The following ARNT2 variants were observed in gnomAD, a reference collection of about 807,000 sequenced individuals.
ARNT2 encodes aryl hydrocarbon receptor nuclear translocator 2.
ARNT2 carries 36 observed loss-of-function variants against 91.7 expected under a neutral mutation model. The observed-to-expected ratio is 0.39, with a 90% CI of 0.30 to 0.52. The LOEUF (loss-of-function observed/expected upper bound fraction) is 0.52, where lower values mean the gene tolerates loss of function less well. Among genes scored for constraint, ARNT2 ranks in the 20% least tolerant of loss-of-function variants. The pLI is 0.72. For synonymous variants in ARNT2, 365 were observed against 347.1 expected (o/e 1.05, Z -0.57); for missense variants, 775 against 939.3 (o/e 0.83, Z 2.29).
At chr15:80,415,997 C>G (rs1466856546) in intron 1 of ARNT2, among the ~76,000 whole-genome samples, 1 of 152,152 alleles carries the variant, frequency 6.6e-6, no homozygotes, top group African/African-American at 2.4e-5. Flanking sequence ...CCCCTGCCCA[C>G]TCTCCACTGC....
chr15:80,421,412 G>A (rs2866739), intron 1 of ARNT2, among the ~76,000 whole-genome samples: 1 of 87,740 alleles, frequency 1.1e-5, no homozygotes, highest in Admixed American at 1.1e-4. Context: ...GAAAAGAAAG[G>A]AAGGAAAGGA....
chr15:80,576,390 C>G (rs1409586826), intron 14 of ARNT2, among the ~76,000 whole-genome samples: 1 of 152,132 alleles, frequency 6.6e-6, no homozygotes, highest in African/African-American at 2.4e-5. Flanking sequence ...GATTCTCCTG[C>G]CTCAGCCTCC....
intron 1 of ARNT2, among the ~76,000 whole-genome samples, chr15:80,427,174 G>C (rs544410930): frequency 2.2e-4 from 33 of 152,158 alleles, no homozygotes; most frequent in Middle Eastern, 6.8e-3. Flanking sequence ...ATAAATTCGG[G>C]CAAAAAGGGT....
Position 80,409,323 on chromosome 15 carries a change from A to G in ARNT2, c.31+4777A>G, listed in dbSNP as rs150502887. ...TCCAGAAAGTCATGTAATTGGATTC[A>G]TGCATTACGTAGCCTTTTCAAACTG... is the stretch of plus-strand genomic sequence containing the variant. On this transcript the variant is annotated intron_variant, in intron 1 of 18. Coordinates refer to ENST00000303329, the MANE Select transcript of ARNT2 (RefSeq NM_014862.4). 1.9e-3 allele frequency among the ~76,000 whole-genome samples: 296 copies of G among 152,322 alleles called. 2 individuals carry two copies. The highest frequency in any genetic ancestry group is 3.0e-3 in the Non-Finnish European group (203 of 68,030).
intron 1 of ARNT2, among the ~76,000 whole-genome samples, chr15:80,428,303 T>C (rs1416082341): frequency 6.6e-6 from 1 of 152,230 alleles, no homozygotes; most frequent in Non-Finnish European, 1.5e-5. Flanking sequence ...ATTTTAACCT[T>C]ACAAAGATGT....
At position 80,514,207 on chromosome 15, in the gene ARNT2, C is replaced by G. The variant is rs564096419; in HGVS notation, c.792-113C>G. On this transcript the variant is annotated intron_variant, in intron 7 of 18. Transcript: ENST00000303329. ...CACAGGATGGTGAGGAGTCAAGATT[C>G]AAAACCACAAAGGCAGACAAGGGAA... 5.9e-6 allele frequency: 7 copies of G among 1,187,158 alleles called. No homozygotes were observed. The South Asian group carries it at 9.2e-5, about 16-fold the overall frequency. 73.5% of individuals were successfully genotyped at this position (1,187,158 alleles called of 1,614,324 possible). A position where few individuals can be genotyped will look rare whatever the true frequency, so the allele number is the denominator to read the frequency against.
intron 8 of ARNT2, among the ~76,000 whole-genome samples, chr15:80,534,777 A>G (rs1897793838): frequency 6.6e-6 from 1 of 152,208 alleles, no homozygotes; most frequent in African/African-American, 2.4e-5. Flanking sequence ...CATTTGAATC[A>G]TTATCCATGA....
intron 8 of ARNT2, among the ~76,000 whole-genome samples, chr15:80,534,483 T>C (rs1897789260): frequency 6.6e-6 from 1 of 152,192 alleles, no homozygotes. Context: ...CCTACCCTAG[T>C]CCAACCCCTA....
intron 17 of ARNT2, among the ~76,000 whole-genome samples, chr15:80,582,078 T>C (rs1379243363): frequency 6.6e-6 from 1 of 152,208 alleles, no homozygotes; most frequent in East Asian, 1.9e-4. Flanking sequence ...GTGCGGCTCA[T>C]AGAGCTTTTC....
intron 5 of ARNT2, among the ~76,000 whole-genome samples, chr15:80,488,335 T>G: frequency 6.6e-6 from 1 of 152,226 alleles, no homozygotes; most frequent in East Asian, 1.9e-4. Context: ...ATGCAGAGAT[T>G]TAACCATGTA....
chr15:80,483,481 G>C (rs1385541638), intron 5 of ARNT2, among the ~76,000 whole-genome samples: 3 of 152,178 alleles, frequency 2.0e-5, no homozygotes, highest in African/African-American at 7.2e-5. Context: ...GGGGTTTGCT[G>C]TCCCCTCTAT....
In ARNT2 at chr15:80,596,579, G is replaced by A. The variant is rs1003867835; in HGVS notation, c.*2881G>A. The stretch of plus-strand genomic sequence containing the variant: ...CAGCCTTGGAGGCCGGAATGCTCAT[G>A]GCCCCTGTGGTCTGCTTGTCCTTCA... On this transcript the variant is annotated 3_prime_UTR_variant, in exon 19 of 19. Coordinates refer to ENST00000303329, the MANE Select transcript of ARNT2 (RefSeq NM_014862.4). 1.3e-5 allele frequency: 2 copies of A among 152,436 alleles called. No homozygotes were observed. Among genetic ancestry groups the A allele is most frequent in the African/African-American group, 4.8e-5 (2 of 41,412 alleles). 9.4% of individuals were successfully genotyped at this position (152,436 alleles called of 1,614,324 possible).
chr15:80,420,587 T>C (rs1339472730), intron 1 of ARNT2, among the ~76,000 whole-genome samples: 2 of 151,776 alleles, frequency 1.3e-5, no homozygotes, highest in Non-Finnish European at 2.9e-5. Flanking sequence ...ATATATATAT[T>C]ATGAACATAT....
At chr15:80,423,188 A>G (rs1567175753) in intron 1 of ARNT2, among the ~76,000 whole-genome samples, 2 of 152,182 alleles carry the variant, frequency 1.3e-5, no homozygotes, top group South Asian at 4.1e-4. Context: ...ACATGAGGGG[A>G]CACATGAAAT....
intron 12 of ARNT2, among the ~76,000 whole-genome samples, chr15:80,571,317 C>G (rs1464129830): frequency 6.6e-6 from 1 of 152,190 alleles, no homozygotes; most frequent in Non-Finnish European, 1.5e-5. Context: ...GACCAGATCA[C>G]TTGTGTGCAT....
intron 3 of ARNT2, 87 bp from the exon 4 acceptor site, chr15:80,470,131 G>A: frequency 7.5e-7 from 1 of 1,331,070 alleles, no homozygotes; most frequent in South Asian, 1.4e-5. Context: ...GTCATTTGGT[G>A]TTAATGGTTT....
intron 11 of ARNT2, among the ~76,000 whole-genome samples, chr15:80,562,221 T>A (rs1843482471): frequency 6.6e-6 from 1 of 152,074 alleles, no homozygotes; most frequent in Admixed American, 6.6e-5. Context: ...ATTACAGGCA[T>A]GGGGCCTGGC....
chr15:80,428,613 TA>T (rs1218160216), intron 1 of ARNT2, among the ~76,000 whole-genome samples: 2 of 152,246 alleles, frequency 1.3e-5, no homozygotes, highest in Non-Finnish European at 2.9e-5. Context: ...ACTCAGACTT[TA>T]AGCCAGTCTT....
chr15:80,536,650 G>A (rs568977159), intron 8 of ARNT2, among the ~76,000 whole-genome samples: 1 of 152,232 alleles, frequency 6.6e-6, no homozygotes, highest in Non-Finnish European at 1.5e-5. Context: ...AAACCTTACC[G>A]AGGACTTCCT....
Sources: gnomAD v4.1 joint callset for allele counts (sites outside exome capture counted in the v4.1 genomes callset) on GRCh38, gnomAD v4.1.1 for gene constraint, MANE v1.5 for transcripts, NCBI Gene and HGNC (gene_info 2026-07-23, HGNC 2026-07-21) for gene names.